Variants in MYLK3 observed in about 807,000 individuals in gnomAD.
MYLK3 encodes MLC kinase.
A neutral mutation model predicts 76.3 loss-of-function variants in MYLK3; 55 were observed. The ratio of observed to expected loss-of-function variants is 0.72; its 90% confidence interval spans 0.58 to 0.90. MYLK3 has a LOEUF of 0.90. Ranked by LOEUF, MYLK3 falls within the 40% of genes least tolerant of loss-of-function variation. The probability of loss-of-function intolerance (pLI) is 0.00; values close to 1 mark genes in which losing one functional copy is unlikely to be tolerated. For synonymous variants in MYLK3, 416 were observed against 425.4 expected (o/e 0.98, Z 0.27); for missense variants, 973 against 1,053.6 (o/e 0.92, Z 1.06).
intron 8 of MYLK3, among the ~76,000 whole-genome samples, chr16:46,724,440 C>T (rs1390679091): frequency 6.6e-6 from 1 of 151,888 alleles, no homozygotes; most frequent in Non-Finnish European, 1.5e-5. Context: ...CTTACATTTA[C>T]GTCTACAATC....
At chr16:46,744,566 T>C (rs1199639045) in intron 1 of MYLK3, among the ~76,000 whole-genome samples, 1 of 151,488 alleles carries the variant, frequency 6.6e-6, no homozygotes, top group Non-Finnish European at 1.5e-5. Flanking sequence ...GGTCTCGAAC[T>C]CCTGACCTCA....
chr16:46,737,402 T>C (rs1348892680), intron 3 of MYLK3, among the ~76,000 whole-genome samples: 1 of 152,176 alleles, frequency 6.6e-6, no homozygotes, highest in Non-Finnish European at 1.5e-5. Flanking sequence ...TTCTCAACCC[T>C]GTTCCCCATT....
At chr16:46,731,446 G>A (rs1966852307) in intron 4 of MYLK3, among the ~76,000 whole-genome samples, 1 of 152,248 alleles carries the variant, frequency 6.6e-6, no homozygotes, top group Non-Finnish European at 1.5e-5. Context: ...CACACAGCAA[G>A]TGCAGTGGTA....
At position 46,729,039 on chromosome 16, in the gene MYLK3, G is replaced by T; in HGVS notation, c.1757C>A (p.Thr586Asn). Residue 586 changes from threonine (T) to asparagine (N), a missense_variant, in exon 7 of 13, where the codon ACC becomes AAC. Physicochemically the swap from Thr to Asn is moderately conservative, Grantham distance 65. This residue lies in a region of MYLK3 where 332 missense variants were observed against 416.6 expected (regional missense o/e 0.80). Coordinates refer to ENST00000394809, the MANE Select transcript of MYLK3 (RefSeq NM_182493.3). Reference protein sequence around the residue: ...YDAFESKHSCTLVMEYVDGGE... With the variant: ...YDAFESKHSCNLVMEYVDGGE... ...TGATACTCACTACTCCATGACAAGG[G>T]TGCAGCTGTGCTTGCTCTCGAAGGC... 1 of 1,613,926 alleles carries T rather than the reference G, an allele frequency of 6.2e-7. No homozygotes were observed. The highest frequency in any genetic ancestry group is 8.5e-7 in the Non-Finnish European group (1 of 1,179,760).
chr16:46,729,305 G>A (rs1261981583), intron 6 of MYLK3, among the ~76,000 whole-genome samples, 172 bp from the exon 7 acceptor site: 1 of 152,170 alleles, frequency 6.6e-6, no homozygotes, highest in Admixed American at 6.5e-5. Context: ...AAGGGCCTGA[G>A]TGTGACCCAC....
chr16:46,733,092 T>C (rs1966856041), intron 3 of MYLK3, among the ~76,000 whole-genome samples: 1 of 152,226 alleles, frequency 6.6e-6, no homozygotes, highest in Admixed American at 6.5e-5. Flanking sequence ...CTGGGCACAG[T>C]GGCTCACACC....
chr16:46,725,268 CT>C (rs1366660651), intron 8 of MYLK3, among the ~76,000 whole-genome samples: 3 of 152,080 alleles, frequency 2.0e-5, no homozygotes, highest in Non-Finnish European at 4.4e-5. Context: ...ATCTGAATGC[CT>C]TTTATTTTCT....
intron 1 of MYLK3, among the ~76,000 whole-genome samples, chr16:46,756,441 A>T (rs1967201738): frequency 6.6e-6 from 1 of 152,214 alleles, no homozygotes; most frequent in African/African-American, 2.4e-5. Flanking sequence ...GGAGGCAAAT[A>T]TCAAAAGAAA....
At chr16:46,723,586 T>C (rs1282586375) in intron 8 of MYLK3, among the ~76,000 whole-genome samples, 1 of 151,926 alleles carries the variant, frequency 6.6e-6, no homozygotes, top group Non-Finnish European at 1.5e-5. Flanking sequence ...AAAAAGCGAA[T>C]GCACATTTTA....
chr16:46,718,928 CTCTG>C (rs1157434238), intron 9 of MYLK3, among the ~76,000 whole-genome samples: 1 of 151,494 alleles, frequency 6.6e-6, no homozygotes, highest in Non-Finnish European at 1.5e-5. Flanking sequence ...CAGAGCAAGA[CTCTG>C]TCTGAAAAAA....
At chr16:46,749,066 C>A (rs1967081571), upstream of MYLK3, among the ~76,000 whole-genome samples, 1 of 152,204 alleles carries the variant, frequency 6.6e-6, no homozygotes, top group Non-Finnish European at 1.5e-5. Flanking sequence ...CTAGCAGGGA[C>A]CCAGAGCACA....
At chr16:46,722,291 C>T (rs1373730491) in intron 8 of MYLK3, among the ~76,000 whole-genome samples, 1 of 152,202 alleles carries the variant, frequency 6.6e-6, no homozygotes, top group African/African-American at 2.4e-5. Context: ...AGATGAGTCC[C>T]TCCCCATTCC....
At position 46,763,231 on chromosome 16, in the gene MYLK3, T is replaced by G. The variant is rs935872877; in HGVS notation, c.-305A>C. On this transcript the variant is annotated 5_prime_UTR_variant, in exon 1 of 12. Coordinates refer to the MYLK3 transcript ENST00000536476. ...AGCTGCCCTCTGGTCTCCCTTCCTCTGCTGGTCGGCCCTCTGAGCGTTCTC... is the reference window on the plus strand; with the variant it reads ...AGCTGCCCTCTGGTCTCCCTTCCTCGGCTGGTCGGCCCTCTGAGCGTTCTC... 31 of 985,382 alleles carry G rather than the reference T, an allele frequency of 3.1e-5. 1 individual carries two copies. In the East Asian group the frequency reaches 2.8e-3, roughly 90 times the overall value. 61.0% of individuals were successfully genotyped at this position (985,382 alleles called of 1,614,324 possible).
At chr16:46,739,395 C>T (rs1410835805) in intron 2 of MYLK3, among the ~76,000 whole-genome samples, 15 of 152,162 alleles carry the variant, frequency 9.9e-5, no homozygotes, top group Non-Finnish European at 1.5e-5. Flanking sequence ...AATCCATAAA[C>T]ATTTAAAGCA....
rs1156889531 is a variant in MYLK3, at chr16:46,704,817, CAG to C, written c.*2885_*2886del. 1.3e-5 allele frequency: 2 copies of C among 152,154 alleles called. No homozygotes were observed. Among genetic ancestry groups the C allele is most frequent in the East Asian group, 1.9e-4 (1 of 5,202 alleles). 9.4% of individuals were successfully genotyped at this position (152,154 alleles called of 1,614,324 possible). On this transcript the variant is annotated 3_prime_UTR_variant, in exon 13 of 13. Transcript: ENST00000394809. ...ATTCTCCAGAATCTTAAGTCGAAAA[CAG>C]GGTATGAACCACAATAGAACTATAA...
In MYLK3 at chr16:46,706,292, T is replaced by TC. The variant is rs1169236776; in HGVS notation, c.*1411dup. On this transcript the variant is annotated 3_prime_UTR_variant, in exon 13 of 13. Coordinates refer to ENST00000394809, the MANE Select transcript of MYLK3 (RefSeq NM_182493.3). Reference sequence around the variant, plus strand: ...GTGTGTATATATACATATACTGTATTCTTTTTTTTTTTTTTTTTTGAGACG... The same window carrying TC: ...GTGTGTATATATACATATACTGTATTCCTTTTTTTTTTTTTTTTTTGAGACG... The TC allele has an allele frequency of 6.7e-6, 1 of 150,104 alleles. No individual in the cohort carries two copies. The highest frequency in any genetic ancestry group is 6.6e-5 in the Admixed American group (1 of 15,094). The allele number at this position is 150,104 out of a possible 1,614,324, so 9.3% of individuals were successfully genotyped here.
intron 10 of MYLK3, chr16:46,711,070 G>A (rs1966678524): frequency 7.0e-6 from 3 of 428,944 alleles, no homozygotes; most frequent in Non-Finnish European, 1.3e-5. Context: ...AGTAAAATTA[G>A]GGCCCAACTT....
At chr16:46,756,070 C>T (rs1380315217) in intron 1 of MYLK3, among the ~76,000 whole-genome samples, 3 of 151,870 alleles carry the variant, frequency 2.0e-5, no homozygotes, top group Non-Finnish European at 2.9e-5. Flanking sequence ...CCACCACACC[C>T]GGCTAATTTT....
intron 12 of MYLK3, among the ~76,000 whole-genome samples, 189 bp from the exon 13 acceptor site, chr16:46,707,952 T>A (rs188521443): frequency 2.7e-5 from 4 of 150,030 alleles, no homozygotes; most frequent in Non-Finnish European, 5.9e-5. Context: ...ATGTTGGGAG[T>A]AAATATGAAG....
Sources: gnomAD v4.1 joint callset for allele counts (sites outside exome capture counted in the v4.1 genomes callset) on GRCh38, gnomAD v4.1.1 for gene constraint, gnomAD v4.1.1 regional missense constraint, MANE v1.5 for transcripts, NCBI Gene and HGNC (gene_info 2026-07-23, HGNC 2026-07-21) for gene names.